The following VIT variants were observed in gnomAD, a reference collection of about 807,000 sequenced individuals.
The protein encoded by VIT is vitrin.
Under a neutral mutation model 78.0 loss-of-function variants are expected in VIT, and 99 were observed. The observed-to-expected ratio is 1.27, with a 90% CI of 1.08 to 1.50. The LOEUF is 1.50. VIT is among the 40% of genes most tolerant of loss of function. The pLI, the probability that VIT is intolerant of heterozygous loss-of-function variation, is 0.00. For synonymous variants in VIT, 374 were observed against 334.3 expected, an observed-to-expected ratio of 1.12 and a Z score of -1.29; for missense variants, 1,126 against 875.3, an observed-to-expected ratio of 1.29 and a Z score of -3.61.
chr2:36,709,064 C>T (rs1371145390), intron 1 of VIT, among the ~76,000 whole-genome samples: 5 of 152,118 alleles, frequency 3.3e-5, no homozygotes, highest in African/African-American at 1.2e-4. Flanking sequence ...GCAGGAGAAT[C>T]GCTTGAACCC....
At position 36,759,046 on chromosome 2, in the gene VIT, G is replaced by A; in HGVS notation, c.487G>A (p.Gly163Ser). 2 of 1,614,098 alleles carry A rather than the reference G, an allele frequency of 1.2e-6. No individual in the cohort carries two copies. Among genetic ancestry groups the A allele is most frequent in the Non-Finnish European group, 1.7e-6 (2 of 1,180,026 alleles). The change falls in exon 6 of 16, where the codon GGT (glycine) becomes AGT (serine). Residue 163 changes from glycine (G) to serine (S), a missense_variant and splice_region_variant. Physicochemically the swap from Gly to Ser is moderately conservative, Grantham distance 56. Coordinates refer to ENST00000379242, the MANE Select transcript of VIT (RefSeq NM_053276.4). ...ATCGAAAAGTCCAGCTGCCCAAGCA[G>A]GCAAGTGCTCACGTGTGATTGAATC... ...SSSKSPAAQA[G>S]ETTKAYQRPP...
At chr2:36,810,381 T>C (rs1410561045) in intron 15 of VIT, among the ~76,000 whole-genome samples, 3 of 152,248 alleles carry the variant, frequency 2.0e-5, no homozygotes, top group Non-Finnish European at 4.4e-5. Flanking sequence ...GAGCAAAATA[T>C]GTCTGTAAAT....
intron 9 of VIT, among the ~76,000 whole-genome samples, chr2:36,781,017 C>T (rs1664712814): frequency 1.2e-5 from 1 of 83,946 alleles, no homozygotes; most frequent in African/African-American, 3.9e-5. Context: ...CCTTCTACTT[C>T]ATTAGCACCA....
At chr2:36,770,068 A>T (rs1572508472) in intron 7 of VIT, among the ~76,000 whole-genome samples, 1 of 152,226 alleles carries the variant, frequency 6.6e-6, no homozygotes, top group East Asian at 1.9e-4. Context: ...TTCCTCTTAT[A>T]TATGTGGCTG....
At chr2:36,713,126 G>C (rs1426712825) in intron 1 of VIT, among the ~76,000 whole-genome samples, 1 of 152,208 alleles carries the variant, frequency 6.6e-6, no homozygotes, top group Non-Finnish European at 1.5e-5. Context: ...GAAAGGGATA[G>C]GGTATATTCA....
chr2:36,802,171 T>C (rs1666379754), intron 13 of VIT, among the ~76,000 whole-genome samples: 1 of 152,230 alleles, frequency 6.6e-6, no homozygotes, highest in Non-Finnish European at 1.5e-5. Context: ...CAGTGGGGCA[T>C]GTCCAGAAAT....
chr2:36,718,983 G>C (rs938338109), intron 2 of VIT, among the ~76,000 whole-genome samples: 2 of 152,180 alleles, frequency 1.3e-5, no homozygotes, highest in African/African-American at 4.8e-5. Context: ...TGGGACAAGA[G>C]GTTAGGAATA....
intron 3 of VIT, among the ~76,000 whole-genome samples, chr2:36,741,685 T>A (rs201055584): frequency 6.6e-6 from 1 of 150,832 alleles, no homozygotes; most frequent in African/African-American, 2.4e-5. Context: ...GATCCAAGAG[T>A]CTGTGAATTA....
rs2148549895 is a variant in VIT at position 36,754,931 on chromosome 2, G to C, written c.286G>C (p.Asp96His). The change falls in exon 5 of 16, where the codon GAT (aspartate) becomes CAT (histidine). Residue 96 changes from aspartate (D) to histidine (H), a missense_variant. Transcript: ENST00000379242. Reference protein sequence around the residue: ...CGAAVHSGVLDNSGGKILVRK... With the variant: ...CGAAVHSGVLHNSGGKILVRK... ...TTTTTCTCTTCATAGTGGTGTGCTT[G>C]ATAATTCAGGAGGGAAAATACTTGT... is the stretch of plus-strand genomic sequence containing the variant. The C allele has an allele frequency of 1.2e-6, 2 of 1,613,850 alleles. No individual in the cohort carries two copies. The highest frequency in any genetic ancestry group is 1.7e-6 in the Non-Finnish European group (2 of 1,179,898).
chr2:36,783,816 G>A (rs1664919986), intron 11 of VIT, among the ~76,000 whole-genome samples: 1 of 152,188 alleles, frequency 6.6e-6, no homozygotes, highest in African/African-American at 2.4e-5. Flanking sequence ...GGAAGGTGGA[G>A]GTTCGAGAGA....
chr2:36,806,586 G>A lies in VIT; in HGVS notation c.1389+922G>A, dbSNP rs370063161. 5.5e-4 allele frequency among the ~76,000 whole-genome samples: 83 copies of A among 151,860 alleles called. 1 individual carries two copies. The highest frequency in any genetic ancestry group is 1.8e-3 in the African/African-American group (76 of 41,396). ...TTTTCAGACGGAGTCTCACTCTGTC[G>A]CCCAGGCTGGAATGCAGTGGCGCGA... On this transcript the variant is annotated intron_variant, in intron 14 of 15. Coordinates refer to ENST00000379242, the MANE Select transcript of VIT (RefSeq NM_053276.4).
intron 11 of VIT, among the ~76,000 whole-genome samples, chr2:36,785,609 C>A (rs1279750639): frequency 1.3e-5 from 2 of 152,106 alleles, no homozygotes; most frequent in African/African-American, 2.4e-5. Context: ...ACAAGGGAAG[C>A]CAGTTGAAAA....
chr2:36,757,598 C>T (rs1232225108), intron 5 of VIT, among the ~76,000 whole-genome samples: 1 of 152,208 alleles, frequency 6.6e-6, no homozygotes, highest in Non-Finnish European at 1.5e-5. Flanking sequence ...TTGGAGCAGG[C>T]CTTGACATTG....
At chr2:36,708,731 AT>A (rs1303048659) in intron 1 of VIT, among the ~76,000 whole-genome samples, 2 of 152,086 alleles carry the variant, frequency 1.3e-5, no homozygotes, top group Non-Finnish European at 2.9e-5. Context: ...AATTAAAGAA[AT>A]TTGAGCCCCT....
intron 6 of VIT, 81 bp from the exon 7 acceptor site, chr2:36,767,013 A>T: frequency 7.2e-7 from 1 of 1,397,290 alleles, no homozygotes; most frequent in Non-Finnish European, 9.4e-7. Context: ...CTAGTGTTCA[A>T]TCAACATTTA....
chr2:36,782,008 A>G (rs1384214711), intron 10 of VIT, among the ~76,000 whole-genome samples: 2 of 152,156 alleles, frequency 1.3e-5, no homozygotes, highest in South Asian at 4.1e-4. Flanking sequence ...ACGTGAAGAC[A>G]AAAAGCCAGA....
intron 4 of VIT, among the ~76,000 whole-genome samples, chr2:36,745,312 T>C (rs77672942): frequency 6.6e-6 from 1 of 152,160 alleles, no homozygotes; most frequent in Non-Finnish European, 1.5e-5. Flanking sequence ...TATTATTCCA[T>C]ATGAATTTTA....
chr2:36,759,187 T>C (rs1668960689), intron 6 of VIT, 141 bp downstream of exon 6: 3 of 1,579,106 alleles, frequency 1.9e-6, no homozygotes, highest in Non-Finnish European at 2.6e-6. Flanking sequence ...GCCAGGAACA[T>C]GGGCACAGAA....
chr2:36,786,087 C>T (rs762506520), intron 11 of VIT, among the ~76,000 whole-genome samples: 4 of 151,900 alleles, frequency 2.6e-5, no homozygotes, highest in African/African-American at 4.8e-5. Context: ...TCCGTCTGGC[C>T]GCTGCTCCCC....
Sources: allele counts gnomAD v4.1 joint callset (sites outside exome capture counted in the v4.1 genomes callset), GRCh38; gene constraint gnomAD v4.1.1; transcripts MANE v1.5; gene names NCBI Gene and HGNC (gene_info 2026-07-23, HGNC 2026-07-21).